DCUN1D5: variants seen among roughly 807,000 people sequenced by gnomAD.
DCUN1D5 encodes defective in cullin neddylation 1 domain containing 5.
A neutral mutation model predicts 38.3 loss-of-function variants in DCUN1D5; 10 were observed. That is an observed-to-expected ratio of 0.26 (90% CI 0.16 to 0.44). The LOEUF (loss-of-function observed/expected upper bound fraction) is 0.44. Ranked by LOEUF, DCUN1D5 falls within the 20% of genes least tolerant of loss-of-function variation. DCUN1D5 has a pLI of 1.00. For missense variants in DCUN1D5, 148 were observed against 275.3 expected, an observed-to-expected ratio of 0.54 and a Z score of 3.27; for synonymous variants, 93 against 90.9, an observed-to-expected ratio of 1.02 and a Z score of -0.13.
chr11:103,067,153 T>C (rs567235709), intron 4 of DCUN1D5, among the ~76,000 whole-genome samples: 1 of 152,312 alleles, frequency 6.6e-6, no homozygotes, highest in East Asian at 1.9e-4. Context: ...TGCAAAAGCA[T>C]GCAAACAACA....
rs1188878808 is a variant in DCUN1D5 at position 103,058,569 on chromosome 11, T to C, written c.*3790A>G. Among the ~76,000 whole-genome samples, 1 of 152,138 alleles carries C rather than the reference T, an allele frequency of 6.6e-6. No homozygotes were observed. The highest frequency in any genetic ancestry group is 1.5e-5 in the Non-Finnish European group (1 of 68,004). On this transcript the variant is annotated 3_prime_UTR_variant, in exon 8 of 8. Transcript: ENST00000260247. ...TAGACTGCTTTTTGGGCTTCCACCA[T>C]ACTAATCATAGGTCTATTAACAAAA...
chr11:103,089,942 T>G (rs1862813712), intron 1 of DCUN1D5, among the ~76,000 whole-genome samples: 1 of 151,406 alleles, frequency 6.6e-6, no homozygotes, highest in Non-Finnish European at 1.5e-5. Flanking sequence ...CTATTTCATT[T>G]TTTTCATAAA....
chr11:103,089,377 T>A, intron 1 of DCUN1D5, 59 bp from the exon 2 acceptor site: 1 of 1,426,498 alleles, frequency 7.0e-7, no homozygotes, highest in Non-Finnish European at 9.6e-7. Context: ...AGAGAAAAAC[T>A]AAGTTCAAAA....
In DCUN1D5 at chr11:103,056,893, G is replaced by C. The variant is rs796248597; in HGVS notation, c.*5466C>G. 1.9e-4 allele frequency among the ~76,000 whole-genome samples: 29 copies of C among 152,266 alleles called. No homozygotes were observed. Among genetic ancestry groups the C allele is most frequent in the African/African-American group, 5.5e-4 (23 of 41,554 alleles). ...GACGCATTCATTTAACACCTACTAA[G>C]TGCTGTGGATAGGGCCTATTTGAAC... On this transcript the variant is annotated 3_prime_UTR_variant, in exon 8 of 8. Coordinates refer to ENST00000260247, the MANE Select transcript of DCUN1D5 (RefSeq NM_032299.4). This position sits in a 1 kb window ranked among gnomAD's most constrained non-coding sequence, Gnocchi z 4.9.
rs1209781422 is a variant in DCUN1D5 at position 103,062,027 on chromosome 11, A to G, written c.*332T>C. ...GAATTGGAACCTCAAAAATCAAAAA[A>G]TTCAAATTTACAAAAATAAATACCA... On this transcript the variant is annotated 3_prime_UTR_variant, in exon 8 of 8. Coordinates refer to ENST00000260247, the MANE Select transcript of DCUN1D5 (RefSeq NM_032299.4). The surrounding 1 kb of genome is among the most constrained non-coding windows in gnomAD (Gnocchi z 4.6). 5 of 227,172 alleles carry G rather than the reference A, an allele frequency of 2.2e-5. No individual in the cohort carries two copies. The highest frequency in any genetic ancestry group is 9.1e-5 in the African/African-American group (4 of 43,884). The allele number at this position is 227,172 out of a possible 1,614,324, so 14.1% of individuals were successfully genotyped here.
chr11:103,062,372 C>T lies in DCUN1D5; in HGVS notation c.701G>A (p.Arg234His), dbSNP rs147535725. Reference sequence around the variant, plus strand: ...ACATAGTTCTTGCTATGATGTCTGACGGACTTTTTGCCACTCAACAAATTC... The same window carrying T: ...ACATAGTTCTTGCTATGATGTCTGATGGACTTTTTGCCACTCAACAAATTC... ...LDEFVEWQKVRQTS is the reference protein window; with the variant it reads ...LDEFVEWQKVHQTS The change falls in exon 8 of 8, where the codon CGT (arginine) becomes CAT (histidine). Residue 234 changes from arginine (R) to histidine (H), a missense_variant. Coordinates refer to ENST00000260247, the MANE Select transcript of DCUN1D5 (RefSeq NM_032299.4). This position sits in a 1 kb window ranked among gnomAD's most constrained non-coding sequence, Gnocchi z 4.6. 5.3e-4 allele frequency: 857 copies of T among 1,613,432 alleles called. No individual in the cohort carries two copies. The highest frequency in any genetic ancestry group is 6.7e-4 in the Non-Finnish European group (789 of 1,179,556).
In DCUN1D5 at chr11:103,077,808, T is replaced by G. The variant is rs562720725; in HGVS notation, c.341+4940A>C. On this transcript the variant is annotated intron_variant, in intron 4 of 7. Transcript: ENST00000260247. This position sits in a 1 kb window ranked among gnomAD's most constrained non-coding sequence, Gnocchi z 4.3. ...ATTTAGAACTTCCTCTAAATAAGCT[T>G]TCTCAACCAGAACAATACCATCTAC... Among the ~76,000 whole-genome samples, 1 of 152,294 alleles carries G rather than the reference T, an allele frequency of 6.6e-6. No homozygotes were observed. The highest frequency in any genetic ancestry group is 2.4e-5 in the African/African-American group (1 of 41,562).
In DCUN1D5 at chr11:103,060,597, C is replaced by A. The variant is rs1421513216; in HGVS notation, c.*1762G>T. Among the ~76,000 whole-genome samples the A allele has an allele frequency of 6.6e-6, 1 of 152,080 alleles. No individual in the cohort carries two copies. The highest frequency in any genetic ancestry group is 1.5e-5 in the Non-Finnish European group (1 of 68,010). On this transcript the variant is annotated 3_prime_UTR_variant, in exon 8 of 8. Transcript: ENST00000260247. The stretch of plus-strand genomic sequence containing the variant: ...CGTATACCAAGGATGCCTGTGCTTT[C>A]ATAAATATACCTTTTAAAAAACATG...
At chr11:103,090,546 T>C (rs1288483893) in intron 1 of DCUN1D5, among the ~76,000 whole-genome samples, 1 of 152,184 alleles carries the variant, frequency 6.6e-6, no homozygotes, top group Admixed American at 6.5e-5. Context: ...CTCCTTTCAA[T>C]AGTAGCATCT....
rs1861931566 is a variant in DCUN1D5, at chr11:103,058,449, A to G, written c.*3910T>C. Among the ~76,000 whole-genome samples, 4 of 152,210 alleles carry G rather than the reference A, an allele frequency of 2.6e-5. No individual in the cohort carries two copies. The South Asian group carries it at 8.3e-4, about 31-fold the overall frequency. ...ATTTGTTCCAGTGAAGTACAAGTTCACTAGAAAAATCTCTACAATTAAATT... is the reference window on the plus strand; with the variant it reads ...ATTTGTTCCAGTGAAGTACAAGTTCGCTAGAAAAATCTCTACAATTAAATT... On this transcript the variant is annotated 3_prime_UTR_variant, in exon 8 of 8. Coordinates refer to ENST00000260247, the MANE Select transcript of DCUN1D5 (RefSeq NM_032299.4).
rs1861955088 is a variant in DCUN1D5, at chr11:103,059,398, A to G, written c.*2961T>C. ...ATTAAGATATAATTTTTGGTTTGCT[A>G]GATGAAAAGGCATTTGTATTTAAGA... On this transcript the variant is annotated 3_prime_UTR_variant, in exon 8 of 8. Transcript: ENST00000260247. 6.6e-6 allele frequency among the ~76,000 whole-genome samples: 1 copy of G among 152,116 alleles called. No individual in the cohort carries two copies. The highest frequency in any genetic ancestry group is 6.6e-5 in the Admixed American group (1 of 15,260).
At position 103,065,080 on chromosome 11, in the gene DCUN1D5, A is replaced by G. The variant is rs1379509695; in HGVS notation, c.556-703T>C. ...GAAGAAAATAGATACCATCCATCAA[A>G]AATAATTTATAGGACTTACAGATTG... On this transcript the variant is annotated intron_variant, in intron 6 of 7. Transcript: ENST00000260247. This position sits in a 1 kb window ranked among gnomAD's most constrained non-coding sequence, Gnocchi z 4.6. 1.3e-5 allele frequency among the ~76,000 whole-genome samples: 2 copies of G among 152,172 alleles called. No individual in the cohort carries two copies. The highest frequency in any genetic ancestry group is 6.5e-5 in the Admixed American group (1 of 15,276).
rs533507164 is a variant in DCUN1D5 at position 103,064,838 on chromosome 11, GA to G, written c.556-462del. ...TCCCACCCTTGCCACTTAATTGAGT[GA>G]TTTTGGGAAAGTTACTTAAGAATAG... On this transcript the variant is annotated intron_variant, in intron 6 of 7. Coordinates refer to ENST00000260247, the MANE Select transcript of DCUN1D5 (RefSeq NM_032299.4). The surrounding 1 kb of genome is among the most constrained non-coding windows in gnomAD (Gnocchi z 4.5). 3.0e-4 allele frequency among the ~76,000 whole-genome samples: 45 copies of G among 152,214 alleles called. No homozygotes were observed. The highest frequency in any genetic ancestry group is 1.1e-3 in the African/African-American group (45 of 41,540).
In DCUN1D5 at chr11:103,073,002, C is replaced by A. The variant is rs781029379; in HGVS notation, c.342-6435G>T. Among the ~76,000 whole-genome samples, 15 of 152,070 alleles carry A rather than the reference C, an allele frequency of 9.9e-5. No homozygotes were observed. The highest frequency in any genetic ancestry group is 1.8e-4 in the Non-Finnish European group (12 of 68,000). ...CTATGTAGAAAATCCAAGGTCTATA[C>A]AGAAAACATCTTAGAACGAACAGGT... On this transcript the variant is annotated intron_variant, in intron 4 of 7. Transcript: ENST00000260247. The surrounding 1 kb of genome is among the most constrained non-coding windows in gnomAD (Gnocchi z 4.2).
At chr11:103,070,627 T>C (rs1862248980) in intron 4 of DCUN1D5, among the ~76,000 whole-genome samples, 1 of 152,154 alleles carries the variant, frequency 6.6e-6, no homozygotes, top group African/African-American at 2.4e-5. Context: ...TTCATAATTA[T>C]AGTTGGATAT....
rs1861890139 is a variant in DCUN1D5 at position 103,056,944 on chromosome 11, T to C, written c.*5415A>G. Among the ~76,000 whole-genome samples the C allele has an allele frequency of 6.6e-6, 1 of 151,984 alleles. No individual in the cohort carries two copies. Among genetic ancestry groups the C allele is most frequent in the Non-Finnish European group, 1.5e-5 (1 of 68,032 alleles). ...TTCGTAACAATACTGGTAGGTATCA[T>C]TATCGCCATTTTACAGAAGAAACTG... On this transcript the variant is annotated 3_prime_UTR_variant, in exon 8 of 8. Transcript: ENST00000260247. This position sits in a 1 kb window ranked among gnomAD's most constrained non-coding sequence, Gnocchi z 4.9.
rs1252040903 is a variant in DCUN1D5, at chr11:103,065,232, A to G, written c.556-855T>C. On this transcript the variant is annotated intron_variant, in intron 6 of 7. Transcript: ENST00000260247. This position sits in a 1 kb window ranked among gnomAD's most constrained non-coding sequence, Gnocchi z 4.6. The stretch of plus-strand genomic sequence containing the variant: ...AGTGGTGCAATCTCAGCTTACTGCA[A>G]CCTCCACCTCCCTGGTTCAAGCAAT... Among the ~76,000 whole-genome samples the G allele has an allele frequency of 2.0e-5, 3 of 151,630 alleles. No individual in the cohort carries two copies. Among genetic ancestry groups the G allele is most frequent in the Non-Finnish European group, 4.4e-5 (3 of 67,934 alleles).
chr11:103,089,471 T>C (rs934783346), intron 1 of DCUN1D5, among the ~76,000 whole-genome samples, 153 bp from the exon 2 acceptor site: 4 of 152,158 alleles, frequency 2.6e-5, no homozygotes, highest in Admixed American at 2.0e-4. Flanking sequence ...TGTTAAGTAA[T>C]TGCAACTTGA....
intron 4 of DCUN1D5, among the ~76,000 whole-genome samples, chr11:103,067,257 G>A (rs1235890640): frequency 6.6e-6 from 1 of 152,122 alleles, no homozygotes; most frequent in Non-Finnish European, 1.5e-5. Context: ...GTCTCAGTGG[G>A]TTGATAAATT....
Sources: allele counts gnomAD v4.1 joint callset (sites outside exome capture counted in the v4.1 genomes callset), GRCh38; gene constraint gnomAD v4.1.1; non-coding constraint Gnocchi (gnomAD v3.1); transcripts MANE v1.5; gene names NCBI Gene and HGNC (gene_info 2026-07-23, HGNC 2026-07-21).